ATP10B: variants seen among roughly 807,000 people sequenced by gnomAD.
The protein encoded by ATP10B is phospholipid-transporting ATPase VB.
In ATP10B, 122 loss-of-function variants were observed where a neutral mutation model predicts 141.2. The ratio of observed to expected loss-of-function variants is 0.86; its 90% CI spans 0.75 to 1.00. The LOEUF (loss-of-function observed/expected upper bound fraction) is 1.00. Among genes scored for constraint, ATP10B ranks in the 50% least tolerant of loss-of-function variants. The pLI is 0.00. For synonymous variants in ATP10B, 685 were observed against 692.0 expected, an observed-to-expected ratio of 0.99 and a Z score of 0.16; for missense variants, 1,876 against 1,825.3, an observed-to-expected ratio of 1.03 and a Z score of -0.51.
chr5:160,880,292 G>T, the ATP10B span, among the ~76,000 whole-genome samples: 1 of 147,794 alleles, frequency 6.8e-6, no homozygotes, highest in Non-Finnish European at 1.5e-5. Context: ...TATGATGAAA[G>T]AAATCAAAGG....
chr5:160,628,607 G>A (rs7721100), intron 13 of ATP10B, among the ~76,000 whole-genome samples: 2,067 of 152,214 alleles, frequency 0.014, 51 homozygotes, highest in African/African-American at 0.047. Flanking sequence ...GTGGCGGGGG[G>A]GATGTCCACA....
intron 8 of ATP10B, among the ~76,000 whole-genome samples, chr5:160,647,003 G>C (rs746604336): frequency 1.3e-5 from 2 of 152,186 alleles, no homozygotes; most frequent in Non-Finnish European, 2.9e-5. Context: ...GTTGTGGCAA[G>C]AAAAATGATT....
rs571813067 is a variant in ATP10B, at chr5:160,615,287, C to T, written c.2653+551G>A. On this transcript the variant is annotated intron_variant, in intron 17 of 25. Coordinates refer to ENST00000327245, the MANE Select transcript of ATP10B (RefSeq NM_025153.3). Reference sequence around the variant, plus strand: ...CTTCAATTGGGTCCTCCTCCTCTGCCTAACCAGCTTCTCTTCTTGCTTTCA... The same window carrying T: ...CTTCAATTGGGTCCTCCTCCTCTGCTTAACCAGCTTCTCTTCTTGCTTTCA... 2.6e-5 allele frequency among the ~76,000 whole-genome samples: 4 copies of T among 152,160 alleles called. No individual in the cohort carries two copies. In the South Asian group the frequency reaches 8.3e-4, roughly 32 times the overall value.
At chr5:160,914,350 T>A in the ATP10B span, among the ~76,000 whole-genome samples, 1 of 152,170 alleles carries the variant, frequency 6.6e-6, no homozygotes, top group East Asian at 1.9e-4. Context: ...TAGTCATCCC[T>A]CATCATCCAT....
the ATP10B span, among the ~76,000 whole-genome samples, chr5:160,903,175 A>C: frequency 6.6e-6 from 1 of 152,226 alleles, no homozygotes; most frequent in African/African-American, 2.4e-5. Flanking sequence ...GCTGATGCCC[A>C]GAAACGTGCT....
At chr5:160,902,144 T>C in the ATP10B span, among the ~76,000 whole-genome samples, 2 of 152,200 alleles carry the variant, frequency 1.3e-5, no homozygotes, top group Non-Finnish European at 2.9e-5. Context: ...ACTATTTACA[T>C]GGTAAAAATT....
At chr5:160,656,194 T>G (rs1561710910) in intron 7 of ATP10B, among the ~76,000 whole-genome samples, 1 of 152,250 alleles carries the variant, frequency 6.6e-6, no homozygotes. Context: ...TTGTTTGTAA[T>G]GGATAGCTGT....
intron 2 of ATP10B, among the ~76,000 whole-genome samples, chr5:160,750,845 A>G (rs1768104855): frequency 6.6e-6 from 1 of 152,222 alleles, no homozygotes; most frequent in East Asian, 1.9e-4. Context: ...AAGTCTTCCA[A>G]GCTGAGGTGT....
chr5:160,622,719 G>T lies in ATP10B; in HGVS notation c.1621-134C>A, dbSNP rs1054500683. The T allele has an allele frequency of 3.7e-6, 3 of 806,790 alleles. No homozygotes were observed. The Admixed American group carries it at 8.7e-5, about 23-fold the overall frequency. 50.0% of individuals were successfully genotyped at this position (806,790 alleles called of 1,614,324 possible). ...TCCAGCATGTTTTCCTCTCCCACAGGTCTGGCCATTGCCAATTCTTATTTG... is the reference window on the plus strand; with the variant it reads ...TCCAGCATGTTTTCCTCTCCCACAGTTCTGGCCATTGCCAATTCTTATTTG... On this transcript the variant is annotated intron_variant, in intron 13 of 25. Transcript: ENST00000327245.
At chr5:160,629,938 T>G (rs944106394) in intron 13 of ATP10B, among the ~76,000 whole-genome samples, 1 of 152,190 alleles carries the variant, frequency 6.6e-6, no homozygotes, top group African/African-American at 2.4e-5. Flanking sequence ...TAAAGTATTT[T>G]CAGGTGGTGA....
chr5:160,739,079 G>A (rs1767297076), intron 2 of ATP10B, among the ~76,000 whole-genome samples: 1 of 152,082 alleles, frequency 6.6e-6, no homozygotes, highest in Admixed American at 6.6e-5. Context: ...ATAACGCAAA[G>A]GAGAAACTCC....
intron 1 of ATP10B, among the ~76,000 whole-genome samples, chr5:160,802,245 G>A (rs546786301): frequency 3.1e-4 from 47 of 152,294 alleles, no homozygotes; most frequent in African/African-American, 1.1e-3. Flanking sequence ...TTCTTCCACA[G>A]TAGTCAACGG....
intron 12 of ATP10B, chr5:160,632,620 GTTTTTTT>G: frequency 2.3e-5 from 3 of 128,042 alleles, no homozygotes; most frequent in Non-Finnish European, 1.6e-5. Context: ...TTCCTCAGAG[GTTTTTTT>G]TTTTTTTTTT....
rs146977121 is a variant in ATP10B, at chr5:160,670,402, G to A, written c.675+61C>T. 1.3e-4 allele frequency: 210 copies of A among 1,557,816 alleles called. 1 individual carries two copies. In the East Asian group the frequency reaches 4.2e-3, roughly 31 times the overall value. ...CCAGTAGGTTTAGTTCAATTTTCCA[G>A]TAGGGTAGGCTTGCATCCTTTCTAT... On this transcript the variant is annotated intron_variant, in intron 7 of 25. Coordinates refer to ENST00000327245, the MANE Select transcript of ATP10B (RefSeq NM_025153.3).
chr5:160,634,145 C>T, intron 12 of ATP10B: 1 of 779,956 alleles, frequency 1.3e-6, no homozygotes, highest in Non-Finnish European at 2.2e-6. Context: ...GGGATAACTT[C>T]TAACCTTTGT....
intron 2 of ATP10B, among the ~76,000 whole-genome samples, chr5:160,720,403 C>T (rs1045072198): frequency 1.2e-4 from 19 of 152,186 alleles, no homozygotes; most frequent in Non-Finnish European, 2.8e-4. Context: ...AATGAAAACA[C>T]TGGCTTTCTT....
intron 1 of ATP10B, among the ~76,000 whole-genome samples, chr5:160,815,396 C>T (rs1454642070): frequency 1.3e-5 from 2 of 152,108 alleles, no homozygotes; most frequent in Non-Finnish European, 2.9e-5. Context: ...AAAAGAAGCC[C>T]ATTACATAAT....
At chr5:160,883,982 A>G in the ATP10B span, among the ~76,000 whole-genome samples, 2 of 152,334 alleles carry the variant, frequency 1.3e-5, no homozygotes, top group East Asian at 1.9e-4. Context: ...GAGACATGTA[A>G]TAAGTGAAGG....
the ATP10B span, among the ~76,000 whole-genome samples, chr5:160,923,513 A>G: frequency 1.3e-5 from 2 of 152,338 alleles, no homozygotes; most frequent in South Asian, 4.1e-4. Flanking sequence ...TGTTATCATA[A>G]ATGTGTGCAG....
Sources: gnomAD v4.1 joint callset for allele counts (sites outside exome capture counted in the v4.1 genomes callset) on GRCh38, gnomAD v4.1.1 for gene constraint, MANE v1.5 for transcripts, NCBI Gene and HGNC (gene_info 2026-07-23, HGNC 2026-07-21) for gene names.